The following KCNK1 variants were observed in gnomAD, a reference collection of about 807,000 sequenced individuals.
The protein encoded by KCNK1 is potassium channel subfamily K member 1.
In KCNK1, 10 loss-of-function variants were observed where a neutral mutation model predicts 22.2. That is an observed-to-expected ratio of 0.45 (90% CI 0.28 to 0.76). The LOEUF (loss-of-function observed/expected upper bound fraction) is 0.76. KCNK1 is among the 30% of genes least tolerant of loss of function. The pLI is 0.14. For synonymous variants in KCNK1, 200 were observed against 186.4 expected, an observed-to-expected ratio of 1.07 and a Z score of -0.60; for missense variants, 378 against 421.0, an observed-to-expected ratio of 0.90 and a Z score of 0.89.
chr1:233,614,464 G>GC lies in KCNK1; in HGVS notation c.294dup (p.Asn99GlnfsTer33), dbSNP rs1278031095. On this transcript the variant is annotated frameshift_variant, in exon 1 of 3. Coordinates refer to ENST00000366621, the MANE Select transcript of KCNK1 (RefSeq NM_002245.4). LOFTEE classifies it high-confidence loss of function. ...GTGTCGGTGCTCAGCAACGCCTCGG[G>GC]CAACTGGAACTGGGACTTCACCTCC... 6.2e-7 allele frequency: 1 copy of GC among 1,613,202 alleles called. No individual in the cohort carries two copies. Among genetic ancestry groups the GC allele is most frequent in the Non-Finnish European group, 8.5e-7 (1 of 1,179,702 alleles).
At chr1:233,649,681 T>C (rs964876502) in intron 1 of KCNK1, among the ~76,000 whole-genome samples, 6 of 152,188 alleles carry the variant, frequency 3.9e-5, no homozygotes, top group African/African-American at 1.4e-4. Flanking sequence ...AGGCTCCCTC[T>C]GCCCTCTGAT....
At chr1:233,629,705 A>G (rs1270523906) in intron 1 of KCNK1, 1 of 152,206 alleles carries the variant, frequency 6.6e-6, no homozygotes, top group East Asian at 1.9e-4. Flanking sequence ...CAAGCACGGA[A>G]GAAGAGATTG....
Position 233,648,711 on chromosome 1 carries a change from C to T in KCNK1, c.356-17884C>T, listed in dbSNP as rs557084953. The stretch of plus-strand genomic sequence containing the variant: ...CCTCTTGAGTAGCTGGGATTACAGA[C>T]GCGCACCACCACACCCGGCTGATTT... On this transcript the variant is annotated intron_variant, in intron 1 of 2. Transcript: ENST00000366621. 9.9e-5 allele frequency among the ~76,000 whole-genome samples: 15 copies of T among 152,104 alleles called. No homozygotes were observed. The South Asian group carries it at 1.0e-3, about 11-fold the overall frequency.
chr1:233,653,402 T>A (rs1658233420), intron 1 of KCNK1, among the ~76,000 whole-genome samples: 1 of 152,226 alleles, frequency 6.6e-6, no homozygotes, highest in Admixed American at 6.5e-5. Flanking sequence ...CTTCCCTGAC[T>A]GATGGTTAAT....
intron 1 of KCNK1, among the ~76,000 whole-genome samples, chr1:233,663,888 A>G (rs1254382690): frequency 2.6e-5 from 4 of 151,970 alleles, no homozygotes; most frequent in Middle Eastern, 3.4e-3. Context: ...CTGGAGTGCA[A>G]TGGCGCGATC....
rs774111991 is a variant in KCNK1, at chr1:233,666,807, G to T, written c.568G>T (p.Val190Phe). 1.2e-6 allele frequency: 2 copies of T among 1,614,224 alleles called. No individual in the cohort carries two copies. The highest frequency in any genetic ancestry group is 2.2e-5 in the East Asian group (1 of 44,878). The stretch of plus-strand genomic sequence containing the variant: ...CGTCCATGCCGTGCTCCTTGGGTTT[G>T]TCACTGTGTCCTGCTTCTTCTTCAT... The part of the protein sequence containing the change: ...AIVHAVLLGF[V>F]TVSCFFFIPA... Residue 190 changes from valine (V) to phenylalanine (F), a missense_variant, in exon 2 of 3, where the codon GTC (valine) becomes TTC (phenylalanine). Transcript: ENST00000366621.
intron 1 of KCNK1, among the ~76,000 whole-genome samples, chr1:233,643,264 GACT>G (rs1054763873): frequency 4.2e-4 from 64 of 152,228 alleles, no homozygotes; most frequent in African/African-American, 1.5e-3. Context: ...GAGAAGTGGG[GACT>G]TAAAGAGTAT....
intron 1 of KCNK1, chr1:233,650,060 A>G: frequency 1.9e-6 from 1 of 533,320 alleles, no homozygotes. Context: ...GTGATGTGAC[A>G]CTTTCTTGTC....
At chr1:233,648,924 C>T (rs1002616203) in intron 1 of KCNK1, among the ~76,000 whole-genome samples, 3 of 152,110 alleles carry the variant, frequency 2.0e-5, no homozygotes, top group Non-Finnish European at 2.9e-5. Context: ...GGGGCCCTTG[C>T]TCCATACCTT....
Position 233,671,686 on chromosome 1 carries a change from G to T in KCNK1, c.*156G>T. ...GTCTTATTAAAAAACAACAAAAAAAGACAAATGGAACAAAGAAGCTGTGAC... is the reference window on the plus strand; with the variant it reads ...GTCTTATTAAAAAACAACAAAAAAATACAAATGGAACAAAGAAGCTGTGAC... On this transcript the variant is annotated 3_prime_UTR_variant, in exon 3 of 3. Transcript: ENST00000366621. 1.2e-6 allele frequency: 1 copy of T among 835,012 alleles called. No homozygotes were observed. Among genetic ancestry groups the T allele is most frequent in the Non-Finnish European group, 1.8e-6 (1 of 549,098 alleles). The allele number at this position is 835,012 out of a possible 1,614,324, so 51.7% of individuals were successfully genotyped here. A position where few individuals can be genotyped will look rare whatever the true frequency, so the allele number is the denominator to read the frequency against.
intron 1 of KCNK1, among the ~76,000 whole-genome samples, chr1:233,620,678 C>T (rs1313083730): frequency 6.6e-6 from 1 of 152,186 alleles, no homozygotes; most frequent in Non-Finnish European, 1.5e-5. Context: ...GATGTTTGTG[C>T]TCTGTATTCA....
intron 1 of KCNK1, among the ~76,000 whole-genome samples, chr1:233,633,227 T>G (rs1657836674): frequency 6.6e-6 from 1 of 150,546 alleles, no homozygotes; most frequent in South Asian, 2.1e-4. Context: ...GATTTGCCAT[T>G]TGCCTTCTTC....
chr1:233,662,341 A>G (rs998978971), intron 1 of KCNK1, among the ~76,000 whole-genome samples: 2 of 151,802 alleles, frequency 1.3e-5, no homozygotes, highest in African/African-American at 4.8e-5. Flanking sequence ...TGGAGAATGT[A>G]TACATTGTTC....
intron 2 of KCNK1, among the ~76,000 whole-genome samples, chr1:233,669,291 A>C (rs1230027217): frequency 6.6e-6 from 1 of 152,204 alleles, no homozygotes; most frequent in Non-Finnish European, 1.5e-5. Context: ...TTGTCTTCTC[A>C]TAAATTTTGC....
At chr1:233,643,797 C>T (rs558223518) in intron 1 of KCNK1, among the ~76,000 whole-genome samples, 4 of 152,242 alleles carry the variant, frequency 2.6e-5, no homozygotes, top group Admixed American at 1.3e-4. Context: ...CCCCTCTACC[C>T]GACCCCAAAC....
intron 1 of KCNK1, among the ~76,000 whole-genome samples, chr1:233,622,875 A>T (rs188861363): frequency 6.6e-6 from 1 of 152,326 alleles, no homozygotes; most frequent in East Asian, 1.9e-4. Context: ...GCTTGATCCC[A>T]GATCAGAGTC....
chr1:233,618,688 A>G (rs1252473226), intron 1 of KCNK1, among the ~76,000 whole-genome samples: 1 of 152,174 alleles, frequency 6.6e-6, no homozygotes, highest in Non-Finnish European at 1.5e-5. Flanking sequence ...GATCAAGACC[A>G]TCCTGGCCAA....
intron 1 of KCNK1, among the ~76,000 whole-genome samples, chr1:233,662,226 TCTTCTTCTTCTC>T (rs1281086865): frequency 2.2e-5 from 3 of 138,524 alleles, no homozygotes; most frequent in African/African-American, 8.2e-5. Flanking sequence ...TGCTGCTGCT[TCTTCTTCTTCTC>T]CTTCTTCTTC....
At chr1:233,639,604 T>C (rs192125154) in intron 1 of KCNK1, among the ~76,000 whole-genome samples, 1 of 152,364 alleles carries the variant, frequency 6.6e-6, no homozygotes, top group Admixed American at 6.5e-5. Flanking sequence ...ATTCTTTCTA[T>C]ATTTGTGTCA....
Sources: gnomAD v4.1 joint callset for allele counts (sites outside exome capture counted in the v4.1 genomes callset) on GRCh38, gnomAD v4.1.1 for gene constraint, MANE v1.5 for transcripts, NCBI Gene and HGNC (gene_info 2026-07-23, HGNC 2026-07-21) for gene names.